IKBKB-DT: variants seen among roughly 807,000 people sequenced by gnomAD.
IKBKB-DT encodes the protein IKBKB divergent transcript.
chr8:42,256,310 C>T (rs1458402203), intron 3 of IKBKB-DT, among the ~76,000 whole-genome samples: 1 of 151,740 alleles, frequency 6.6e-6, no homozygotes, highest in Non-Finnish European at 1.5e-5. Context: ...GCCTGTAATC[C>T]CAGCAGTTTG....
At chr8:42,259,981 CAA>C in intron 3 of IKBKB-DT, among the ~76,000 whole-genome samples, 1 of 63,626 alleles carries the variant, frequency 1.6e-5, no homozygotes, top group East Asian at 4.9e-4. Context: ...GACTCCGTCT[CAA>C]AAAAAAAAAA....
chr8:42,261,727 C>T (rs1807291550), intron 3 of IKBKB-DT, among the ~76,000 whole-genome samples: 1 of 152,170 alleles, frequency 6.6e-6, no homozygotes, highest in Admixed American at 6.5e-5. Flanking sequence ...GGCTGCAGTC[C>T]TCAACTTTGT....
Position 42,241,805 on chromosome 8 carries a change from G to C in IKBKB-DT, n.1530-7946C>G, listed in dbSNP as rs539196740. On this transcript the variant is annotated intron_variant and non_coding_transcript_variant, in intron 3 of 3. Transcript: ENST00000518213. ...GTAAAAGTCATGTTAATGCTGGCAG[G>C]AGAACACAAAGAGAATGGGTAGAAC... Among the ~76,000 whole-genome samples the C allele has an allele frequency of 2.6e-5, 4 of 152,300 alleles. No individual in the cohort carries two copies. The East Asian group carries it at 7.7e-4, about 29-fold the overall frequency.
intron 3 of IKBKB-DT, among the ~76,000 whole-genome samples, chr8:42,252,451 G>A (rs1807141189): frequency 6.6e-6 from 1 of 152,182 alleles, no homozygotes; most frequent in Non-Finnish European, 1.5e-5. Flanking sequence ...GTGAGGCAAT[G>A]AACCTCAGGT....
intron 2 of IKBKB-DT, among the ~76,000 whole-genome samples, chr8:42,263,848 G>A (rs939542639): frequency 6.6e-6 from 1 of 152,162 alleles, no homozygotes; most frequent in Non-Finnish European, 1.5e-5. Flanking sequence ...TTTCATTCCT[G>A]TTGCCCAGGC....
intron 3 of IKBKB-DT, among the ~76,000 whole-genome samples, chr8:42,247,225 T>C (rs1015258244): frequency 2.6e-5 from 4 of 152,192 alleles, no homozygotes; most frequent in Non-Finnish European, 4.4e-5. Flanking sequence ...CCCAAGGCCA[T>C]GCATCAGCGT....
chr8:42,258,973 C>A (rs1807244685), intron 3 of IKBKB-DT, among the ~76,000 whole-genome samples: 1 of 152,072 alleles, frequency 6.6e-6, no homozygotes, highest in Non-Finnish European at 1.5e-5. Context: ...ATGAATATAC[C>A]ATTTTATAAT....
intron 3 of IKBKB-DT, among the ~76,000 whole-genome samples, chr8:42,254,936 T>G (rs1807177164): frequency 6.6e-6 from 1 of 151,514 alleles, no homozygotes; most frequent in Non-Finnish European, 1.5e-5. Context: ...CTGCCCTGTC[T>G]GGGAAGTGAG....
chr8:42,245,733 G>A (rs942096043), intron 3 of IKBKB-DT, among the ~76,000 whole-genome samples: 20 of 152,302 alleles, frequency 1.3e-4, no homozygotes, highest in African/African-American at 3.8e-4. Context: ...CCCGGAAAAT[G>A]TACTGAAAAG....
intron 3 of IKBKB-DT, among the ~76,000 whole-genome samples, chr8:42,249,647 T>G (rs1807106230): frequency 6.6e-6 from 1 of 152,140 alleles, no homozygotes; most frequent in Non-Finnish European, 1.5e-5. Context: ...ATCTCAGGGT[T>G]GCACTTAACA....
At chr8:42,264,055 A>C (rs1345005212) in intron 2 of IKBKB-DT, among the ~76,000 whole-genome samples, 2 of 150,666 alleles carry the variant, frequency 1.3e-5, no homozygotes, top group East Asian at 3.9e-4. Context: ...CAGGTGATCC[A>C]CCTGCCTTGG....
chr8:42,252,103 T>C (rs1323764210), intron 3 of IKBKB-DT, among the ~76,000 whole-genome samples: 1 of 152,218 alleles, frequency 6.6e-6, no homozygotes, highest in Non-Finnish European at 1.5e-5. Context: ...CATCTTCCCT[T>C]TTCTTTGTCC....
intron 3 of IKBKB-DT, among the ~76,000 whole-genome samples, chr8:42,242,854 G>A (rs10217114): frequency 0.053 from 8,012 of 152,254 alleles, 678 homozygotes; most frequent in African/African-American, 0.18. Flanking sequence ...ATGGCTGCAG[G>A]ACCGGACTTT....
chr8:42,265,322 C>G (rs368719020), intron 2 of IKBKB-DT, among the ~76,000 whole-genome samples: 1 of 152,180 alleles, frequency 6.6e-6, no homozygotes, highest in East Asian at 1.9e-4. Context: ...ATTCTGCTTT[C>G]GGAGTTGCTT....
At chr8:42,243,109 G>C (rs1294001764) in intron 3 of IKBKB-DT, among the ~76,000 whole-genome samples, 3 of 152,140 alleles carry the variant, frequency 2.0e-5, no homozygotes, top group Non-Finnish European at 4.4e-5. Context: ...GGTGGTCCTC[G>C]TGCCAGCTTA....
intron 3 of IKBKB-DT, among the ~76,000 whole-genome samples, chr8:42,253,969 GGAA>G (rs1213162689): frequency 1.3e-5 from 2 of 152,228 alleles, no homozygotes; most frequent in East Asian, 1.9e-4. Context: ...CTTCAAATAA[GGAA>G]GAAGAACAGG....
intron 3 of IKBKB-DT, among the ~76,000 whole-genome samples, chr8:42,261,411 C>A (rs1325067375): frequency 2.0e-5 from 3 of 152,108 alleles, no homozygotes; most frequent in Non-Finnish European, 2.9e-5. Flanking sequence ...AAATGTAACA[C>A]CAGTCATGTC....
At chr8:42,269,630 AAGAG>A (rs951384126) in intron 1 of IKBKB-DT, among the ~76,000 whole-genome samples, 6 of 149,348 alleles carry the variant, frequency 4.0e-5, no homozygotes, top group African/African-American at 9.8e-5. Context: ...AAGGAAGGAA[AAGAG>A]AGAGAGAGAG....
chr8:42,267,567 C>A (rs528141702), intron 1 of IKBKB-DT, among the ~76,000 whole-genome samples: 1 of 152,242 alleles, frequency 6.6e-6, no homozygotes, highest in East Asian at 1.9e-4. Context: ...TTGCTTGGAT[C>A]CCCTGGGTCA....
Sources: gnomAD v4.1 joint callset for allele counts (sites outside exome capture counted in the v4.1 genomes callset) on GRCh38, gnomAD v4.1.1 for gene constraint, MANE v1.5 for transcripts, NCBI Gene and HGNC (gene_info 2026-07-23, HGNC 2026-07-21) for gene names.